The following FOXP1 variants were observed in gnomAD, a reference collection of about 807,000 sequenced individuals.
The protein encoded by FOXP1 is forkhead box protein P1.
FOXP1 carries 15 observed loss-of-function variants against 98.2 expected under a neutral mutation model. That is an observed-to-expected ratio of 0.15 (90% CI 0.10 to 0.24). FOXP1 has a LOEUF of 0.24. FOXP1 is among the 10% of genes least tolerant of loss of function. The probability of loss-of-function intolerance (pLI) is 1.00; values close to 1 mark genes in which losing one functional copy is unlikely to be tolerated. For missense variants in FOXP1, 633 were observed against 848.5 expected, an observed-to-expected ratio of 0.75 and a Z score of 3.15; for synonymous variants, 371 against 314.5, an observed-to-expected ratio of 1.18 and a Z score of -1.90.
intron 5 of FOXP1, among the ~76,000 whole-genome samples, chr3:71,298,233 G>A (rs1366951226): frequency 2.6e-5 from 4 of 152,126 alleles, no homozygotes; most frequent in East Asian, 1.9e-4. Context: ...TTGGGAGGCC[G>A]AGGTGGGCGG....
At chr3:71,433,477 G>C (rs1243245263) in intron 3 of FOXP1, among the ~76,000 whole-genome samples, 1 of 152,188 alleles carries the variant, frequency 6.6e-6, no homozygotes, top group African/African-American at 2.4e-5. Context: ...ACATGCAAAG[G>C]CTTCCAATAC....
chr3:71,184,800 C>A (rs1030968500), intron 6 of FOXP1, among the ~76,000 whole-genome samples: 2 of 150,118 alleles, frequency 1.3e-5, no homozygotes, highest in Non-Finnish European at 1.5e-5. Context: ...AAATTGCAAT[C>A]GCAAAATTAC....
chr3:71,127,396 G>A (rs1354421912), intron 6 of FOXP1, among the ~76,000 whole-genome samples: 1 of 152,138 alleles, frequency 6.6e-6, no homozygotes, highest in Admixed American at 6.5e-5. Flanking sequence ...ATCATATTGA[G>A]TTAAAGAGAA....
chr3:71,548,296 C>A (rs1015547153), intron 2 of FOXP1, among the ~76,000 whole-genome samples: 1 of 152,220 alleles, frequency 6.6e-6, no homozygotes, highest in African/African-American at 2.4e-5. Flanking sequence ...CACAAATACA[C>A]ACACACACAA....
chr3:71,368,569 T>C (rs1180550970), intron 3 of FOXP1, among the ~76,000 whole-genome samples: 1 of 150,062 alleles, frequency 6.7e-6, no homozygotes, highest in Non-Finnish European at 1.5e-5. Context: ...TATGCTTTAT[T>C]TTGATCAAAC....
At chr3:71,047,683 T>G (rs1314051398) in intron 9 of FOXP1, among the ~76,000 whole-genome samples, 1 of 152,202 alleles carries the variant, frequency 6.6e-6, no homozygotes, top group Non-Finnish European at 1.5e-5. Context: ...TTACACACAT[T>G]CATAATTTAG....
intron 6 of FOXP1, among the ~76,000 whole-genome samples, chr3:71,150,676 C>A (rs528031750): frequency 6.6e-6 from 1 of 152,172 alleles, no homozygotes; most frequent in East Asian, 1.9e-4. Flanking sequence ...AAAAAAAGCA[C>A]TCTAATTTAA....
intron 5 of FOXP1, among the ~76,000 whole-genome samples, chr3:71,267,525 T>C (rs532007519): frequency 6.6e-6 from 1 of 152,280 alleles, no homozygotes; most frequent in African/African-American, 2.4e-5. Flanking sequence ...TTGCTGATGT[T>C]GAGGACCAAA....
chr3:70,991,490 T>G (rs1320787027), intron 13 of FOXP1, among the ~76,000 whole-genome samples: 1 of 152,224 alleles, frequency 6.6e-6, no homozygotes, highest in Non-Finnish European at 1.5e-5. Context: ...AAACTCATTA[T>G]TTTAACAGAG....
chr3:71,482,588 C>T lies in FOXP1; in HGVS notation c.-168+10838G>A, dbSNP rs138164564. On this transcript the variant is annotated intron_variant, in intron 3 of 20. Transcript: ENST00000649528. Reference sequence around the variant, plus strand: ...GCTGATTTTTTATTTTTAGTAGAGACGGGGTTTCACCATGTTGACCAGGCT... The same window carrying T: ...GCTGATTTTTTATTTTTAGTAGAGATGGGGTTTCACCATGTTGACCAGGCT... Among the ~76,000 whole-genome samples the T allele has an allele frequency of 3.5e-3, 531 of 151,982 alleles. 2 individuals are homozygous for T. The highest frequency in any genetic ancestry group is 0.012 in the African/African-American group (508 of 41,452).
intron 4 of FOXP1, among the ~76,000 whole-genome samples, chr3:71,325,900 C>T (rs143896815): frequency 3.9e-4 from 59 of 152,210 alleles, no homozygotes; most frequent in African/African-American, 3.6e-4. Flanking sequence ...GAGAAGAGAA[C>T]GCCTGATGAA....
At chr3:71,104,862 G>A (rs939100204) in intron 7 of FOXP1, among the ~76,000 whole-genome samples, 1 of 152,166 alleles carries the variant, frequency 6.6e-6, no homozygotes, top group South Asian at 2.1e-4. Flanking sequence ...AGATATGAAT[G>A]ATGTTTCTGG....
chr3:71,151,214 T>C (rs2060557412), intron 6 of FOXP1, among the ~76,000 whole-genome samples: 2 of 152,214 alleles, frequency 1.3e-5, no homozygotes, highest in South Asian at 2.1e-4. Flanking sequence ...GAGATTAATA[T>C]AGCCAAGTTC....
chr3:71,036,369 C>T (rs2047589383), intron 11 of FOXP1, among the ~76,000 whole-genome samples: 1 of 152,164 alleles, frequency 6.6e-6, no homozygotes, highest in South Asian at 2.1e-4. Context: ...CTCAAAAAAG[C>T]AGAGACTGCC....
Position 71,225,578 on chromosome 3 carries a change from C to A in FOXP1, c.-11-27186G>T, listed in dbSNP as rs528024930. On this transcript the variant is annotated intron_variant, in intron 5 of 20. Transcript: ENST00000649528. ...CTACGGATTTGTTCCCTGTAGAATT[C>A]TGTAAGATAAACAGAGATTTGCATA... is the stretch of plus-strand genomic sequence containing the variant. 2.0e-5 allele frequency among the ~76,000 whole-genome samples: 3 copies of A among 152,268 alleles called. No individual in the cohort carries two copies. The East Asian group carries it at 5.8e-4, about 29-fold the overall frequency.
intron 11 of FOXP1, among the ~76,000 whole-genome samples, chr3:71,026,839 T>C (rs933698013): frequency 2.9e-4 from 44 of 152,184 alleles, no homozygotes; most frequent in African/African-American, 1.1e-3. Flanking sequence ...TACTGGAGGC[T>C]GGTTGGTGTG....
chr3:71,003,995 T>C (rs1345042086), intron 12 of FOXP1, among the ~76,000 whole-genome samples: 1 of 152,044 alleles, frequency 6.6e-6, no homozygotes, highest in Non-Finnish European at 1.5e-5. Context: ...AATTTCACTT[T>C]TTTTTTTTGG....
intron 2 of FOXP1, among the ~76,000 whole-genome samples, chr3:71,539,109 G>GT (rs1560626900): frequency 1.4e-5 from 2 of 146,720 alleles, no homozygotes; most frequent in Non-Finnish European, 3.0e-5. Flanking sequence ...TTATTTTTTT[G>GT]TTTTTATTTT....
chr3:71,441,312 G>A (rs1305441628), intron 3 of FOXP1, among the ~76,000 whole-genome samples: 1 of 152,234 alleles, frequency 6.6e-6, no homozygotes. Flanking sequence ...ACTGTCATGG[G>A]CAGGAATGAA....
Sources: gnomAD v4.1 joint callset for allele counts (sites outside exome capture counted in the v4.1 genomes callset) on GRCh38, gnomAD v4.1.1 for gene constraint, MANE v1.5 for transcripts, NCBI Gene and HGNC (gene_info 2026-07-23, HGNC 2026-07-21) for gene names.